The following ZNF362 variants were observed in gnomAD, a reference collection of about 807,000 sequenced individuals.
ZNF362 encodes the protein zinc finger protein 362.
Under a neutral mutation model 42.9 loss-of-function variants are expected in ZNF362, and 11 were observed. The ratio of observed to expected loss-of-function variants is 0.26; its 90% CI spans 0.16 to 0.42. The LOEUF (loss-of-function observed/expected upper bound fraction) is 0.42, where lower values mean the gene tolerates loss of function less well. Among genes scored for constraint, ZNF362 ranks in the 20% least tolerant of loss-of-function variants. The pLI is 1.00. For synonymous variants in ZNF362, 255 were observed against 257.3 expected (o/e 0.99, Z 0.09); for missense variants, 362 against 576.2 (o/e 0.63, Z 3.81).
At chr1:33,225,671 G>A in the ZNF362 span, among the ~76,000 whole-genome samples, 1 of 152,130 alleles carries the variant, frequency 6.6e-6, no homozygotes, top group African/African-American at 2.4e-5. Context: ...TCCGTTGCAA[G>A]TTATAGGAAA....
the ZNF362 span, among the ~76,000 whole-genome samples, chr1:33,209,361 G>A: frequency 6.6e-6 from 1 of 152,148 alleles, no homozygotes; most frequent in Non-Finnish European, 1.5e-5. Context: ...TGTTCATCAG[G>A]GATATTGGCC....
chr1:33,219,908 C>A, the ZNF362 span, among the ~76,000 whole-genome samples: 1 of 152,220 alleles, frequency 6.6e-6, no homozygotes. Flanking sequence ...CCTTGCTACC[C>A]CAACTCCCCC....
At position 33,266,680 on chromosome 1, in the gene ZNF362, T is replaced by C. The variant is rs1645867118; in HGVS notation, c.-88-3807T>C. ...GACAAATAACCAGATAACCAGACAG[T>C]TCCTCAAGGTGGTGCCAGCTGAGCA... On this transcript the variant is annotated intron_variant, in intron 1 of 8. Transcript: ENST00000539719. The surrounding 1 kb of genome is among the most constrained non-coding windows in gnomAD (Gnocchi z 4.3). Among the ~76,000 whole-genome samples, 1 of 152,104 alleles carries C rather than the reference T, an allele frequency of 6.6e-6. No individual in the cohort carries two copies. The highest frequency in any genetic ancestry group is 2.4e-5 in the African/African-American group (1 of 41,404).
Position 33,280,389 on chromosome 1 carries a change from G to A in ZNF362, c.615G>A (p.Pro205=), listed in dbSNP as rs1645984163. ...KKIKAENPGG[P]PVLVVPYPIL... ...TCAAGGCGGAGAACCCGGGGGGTCCGCCTGTCCTTGTAGTCCCCTATCCCA... is the reference window on the plus strand; with the variant it reads ...TCAAGGCGGAGAACCCGGGGGGTCCACCTGTCCTTGTAGTCCCCTATCCCA... Residue 205 remains proline, a synonymous_variant, in exon 5 of 9, where the codon CCG becomes CCA. Coordinates refer to ENST00000539719, the MANE Select transcript of ZNF362 (RefSeq NM_152493.3). The surrounding 1 kb of genome is among the most constrained non-coding windows in gnomAD (Gnocchi z 5.6). 1.9e-6 allele frequency: 3 copies of A among 1,613,254 alleles called. No individual in the cohort carries two copies. The highest frequency in any genetic ancestry group is 2.7e-5 in the African/African-American group (2 of 74,908).
At chr1:33,202,449 T>A in the ZNF362 span, among the ~76,000 whole-genome samples, 1 of 151,776 alleles carries the variant, frequency 6.6e-6, no homozygotes, top group African/African-American at 2.4e-5. Context: ...ACAAAAAAAA[T>A]CAGCCAGGCA....
chr1:33,147,438 G>A, the ZNF362 span: 3 of 1,614,030 alleles, frequency 1.9e-6, no homozygotes, highest in Non-Finnish European at 1.7e-6. This position sits in a 1 kb window ranked among gnomAD's most constrained non-coding sequence, Gnocchi z 8.1. Flanking sequence ...CGTGCATCAC[G>A]ATGCAGTAGA....
At chr1:33,223,298 A>G in the ZNF362 span, among the ~76,000 whole-genome samples, 1 of 152,060 alleles carries the variant, frequency 6.6e-6, no homozygotes, top group African/African-American at 2.4e-5. Flanking sequence ...TTCCCTGCAC[A>G]AGCTCTCTTC....
chr1:33,193,494 T>G, the ZNF362 span, among the ~76,000 whole-genome samples: 3 of 152,126 alleles, frequency 2.0e-5, no homozygotes, highest in Admixed American at 6.5e-5. Flanking sequence ...GGAAAAGGAT[T>G]GCTAGGAAAG....
chr1:33,278,965 T>C (rs1645970802), intron 4 of ZNF362, among the ~76,000 whole-genome samples: 1 of 152,230 alleles, frequency 6.6e-6, no homozygotes, highest in Admixed American at 6.5e-5. Context: ...TATTTCTTTA[T>C]TGTAAATTTC....
At chr1:33,143,417 C>T in the ZNF362 span, among the ~76,000 whole-genome samples, 250 of 152,192 alleles carry the variant, frequency 1.6e-3, no homozygotes, top group Non-Finnish European at 2.9e-3. Flanking sequence ...AATGAGAGGG[C>T]GTGGTTTTAG....
chr1:33,158,215 C>T, the ZNF362 span: 2 of 1,578,672 alleles, frequency 1.3e-6, no homozygotes, highest in South Asian at 1.1e-5. Context: ...CTGGGACATG[C>T]CCCACCTAGC....
At position 33,280,093 on chromosome 1, in the gene ZNF362, C is replaced by G; in HGVS notation, c.350-31C>G. The G allele has an allele frequency of 1.3e-6, 2 of 1,528,580 alleles. No homozygotes were observed. Among genetic ancestry groups the G allele is most frequent in the Non-Finnish European group, 1.8e-6 (2 of 1,134,544 alleles). 94.7% of individuals were successfully genotyped at this position (1,528,580 alleles called of 1,614,324 possible). A position where few individuals can be genotyped will look rare whatever the true frequency, so the allele number is the denominator to read the frequency against. On this transcript the variant is annotated intron_variant, in intron 4 of 8. Transcript: ENST00000539719. This position sits in a 1 kb window ranked among gnomAD's most constrained non-coding sequence, Gnocchi z 5.6. ...CTGAGCTGGCCTCTGCAGCTCCGCT[C>G]ACCCCTGCCCCCACCCACCTGTCTT... is the stretch of plus-strand genomic sequence containing the variant.
intron 2 of ZNF362, 152 bp downstream of exon 2, chr1:33,270,764 C>T (rs542794816): frequency 1.6e-5 from 23 of 1,416,872 alleles, no homozygotes; most frequent in East Asian, 5.1e-5. Flanking sequence ...CCTCCTGTAG[C>T]GGCCTCCTGT....
At chr1:33,156,125 GCTGGGCTGCAGTCAAGA>G in the ZNF362 span, among the ~76,000 whole-genome samples, 1 of 152,200 alleles carries the variant, frequency 6.6e-6, no homozygotes, top group Non-Finnish European at 1.5e-5. Context: ...CGCAGTCAAG[GCTGGGCTGCAGTCAAGA>G]CTGTCACTCC....
rs778462264 is a variant in ZNF362, at chr1:33,298,965, G to C, written c.1182G>C (p.Thr394=). The change falls in exon 9 of 9, where the codon ACG becomes ACC. Residue 394 remains threonine (T), a synonymous_variant. Coordinates refer to ENST00000539719, the MANE Select transcript of ZNF362 (RefSeq NM_152493.3). ...TYLMKHMSKH[T]VVEHLVSHHS... ...TGATGAAGCACATGTCCAAACACAC[G>C]GTGGTGGAGCACCTGGTGAGCCATC... The C allele has an allele frequency of 1.9e-6, 3 of 1,613,860 alleles. No individual in the cohort carries two copies. Among genetic ancestry groups the C allele is most frequent in the Non-Finnish European group, 2.5e-6 (3 of 1,180,024 alleles).
At chr1:33,219,014 C>A in the ZNF362 span, among the ~76,000 whole-genome samples, 1 of 151,076 alleles carries the variant, frequency 6.6e-6, no homozygotes, top group African/African-American at 2.4e-5. Context: ...CAAGAGACTT[C>A]CTTCCTTTCT....
Position 33,280,939 on chromosome 1 carries a change from C to T in ZNF362, c.683+482C>T, listed in dbSNP as rs770651625. Among the ~76,000 whole-genome samples, 4 of 152,068 alleles carry T rather than the reference C, an allele frequency of 2.6e-5. No individual in the cohort carries two copies. Among genetic ancestry groups the T allele is most frequent in the Non-Finnish European group, 5.9e-5 (4 of 68,002 alleles). ...CAAAAGTTAGCCGGGCATGGTGGTG[C>T]GCCCCTGTAATCCTAGCTACTCAGG... On this transcript the variant is annotated intron_variant, in intron 5 of 8. Transcript: ENST00000539719. The surrounding 1 kb of genome is among the most constrained non-coding windows in gnomAD (Gnocchi z 5.6).
chr1:33,207,557 ACTCC>A, the ZNF362 span, among the ~76,000 whole-genome samples: 4 of 151,968 alleles, frequency 2.6e-5, no homozygotes, highest in Non-Finnish European at 5.9e-5. Context: ...ACTAATTTAC[ACTCC>A]CATCAACAGT....
chr1:33,204,012 T>C, the ZNF362 span, among the ~76,000 whole-genome samples: 1 of 152,164 alleles, frequency 6.6e-6, no homozygotes, highest in African/African-American at 2.4e-5. Context: ...TTTTATAGCC[T>C]GAGCTTTTTG....
Sources: allele counts gnomAD v4.1 joint callset (sites outside exome capture counted in the v4.1 genomes callset), GRCh38; gene constraint gnomAD v4.1.1; non-coding constraint Gnocchi (gnomAD v3.1); transcripts MANE v1.5; gene names NCBI Gene and HGNC (gene_info 2026-07-23, HGNC 2026-07-21).